Variants in PLEKHA5 observed in about 807,000 individuals in gnomAD.
PLEKHA5 encodes the protein pleckstrin homology domain containing A5.
PLEKHA5 carries 55 observed loss-of-function variants against 181.9 expected under a neutral mutation model. The observed-to-expected ratio is 0.30, with a 90% CI of 0.24 to 0.38. The LOEUF is 0.38. PLEKHA5 is among the 10% of genes least tolerant of loss of function. The probability of loss-of-function intolerance (pLI) is 1.00; values close to 1 mark genes in which losing one functional copy is unlikely to be tolerated. For synonymous variants in PLEKHA5, 535 were observed against 529.4 expected (o/e 1.01, Z -0.15); for missense variants, 1,432 against 1,549.5 (o/e 0.92, Z 1.27).
At chr12:19,328,822 T>C (rs1476864485) in intron 20 of PLEKHA5, among the ~76,000 whole-genome samples, 1 of 152,160 alleles carries the variant, frequency 6.6e-6, no homozygotes, top group African/African-American at 2.4e-5. Context: ...GGATGCATTT[T>C]ATTTCTTCCT....
intron 3 of PLEKHA5, among the ~76,000 whole-genome samples, chr12:19,175,554 GAA>G (rs1243479092): frequency 5.3e-5 from 8 of 152,146 alleles, no homozygotes; most frequent in Non-Finnish European, 1.0e-4. Context: ...GGACACAAAA[GAA>G]AATGTTAGCA....
Position 19,129,743 on chromosome 12 carries a change from C to T in PLEKHA5, c.-57C>T, listed in dbSNP as rs1276683439. ...TCCCTTCGCTCGCTCGTTCCCTCCTCCCTCGGCAGCCGCGGCGGCAGCAGG... is the reference window on the plus strand; with the variant it reads ...TCCCTTCGCTCGCTCGTTCCCTCCTTCCTCGGCAGCCGCGGCGGCAGCAGG... On this transcript the variant is annotated 5_prime_UTR_variant, in exon 1 of 32. Coordinates refer to ENST00000429027, the MANE Select transcript of PLEKHA5 (RefSeq NM_001256470.2). 2.2e-6 allele frequency: 3 copies of T among 1,385,596 alleles called. No homozygotes were observed. The highest frequency in any genetic ancestry group is 2.4e-5 in the South Asian group (2 of 83,626). The allele number at this position is 1,385,596 out of a possible 1,614,324, so 85.8% of individuals were successfully genotyped here.
intron 3 of PLEKHA5, among the ~76,000 whole-genome samples, chr12:19,208,279 G>C (rs1056843740): frequency 1.3e-5 from 2 of 152,020 alleles, no homozygotes; most frequent in Non-Finnish European, 2.9e-5. Flanking sequence ...ATGGTGGAAG[G>C]CGCCTATAAT....
chr12:19,336,500 A>G lies in PLEKHA5; in HGVS notation c.2449-15A>G, dbSNP rs1485750353. 2 of 1,359,694 alleles carry G rather than the reference A, an allele frequency of 1.5e-6. No individual in the cohort carries two copies. Among genetic ancestry groups the G allele is most frequent in the East Asian group, 2.3e-5 (1 of 43,600 alleles). The allele number at this position is 1,359,694 out of a possible 1,614,324, so 84.2% of individuals were successfully genotyped here. On this transcript the variant is annotated splice_polypyrimidine_tract_variant and intron_variant, in intron 20 of 31. Transcript: ENST00000429027. ...CATTTTCCCCATTAAAGTAATTAAC[A>G]CTTTTTGGTTTTAGGAATTGGAACG...
At chr12:19,183,699 A>G (rs10743305) in intron 3 of PLEKHA5, among the ~76,000 whole-genome samples, 151,525 of 152,288 alleles carry the variant, frequency 0.99, 75,390 homozygotes, top group Middle Eastern at 1. Flanking sequence ...TACAAGGGAA[A>G]ATTTTTTTAT....
In PLEKHA5 at chr12:19,287,540, G is replaced by T; in HGVS notation, c.1847G>T (p.Ser616Ile). 1 of 1,595,718 alleles carries T rather than the reference G, an allele frequency of 6.3e-7. No individual in the cohort carries two copies. The highest frequency in any genetic ancestry group is 8.6e-7 in the Non-Finnish European group (1 of 1,164,382). Residue 616 changes from serine to isoleucine, a missense_variant, in exon 13 of 32, where the codon AGC (serine) becomes ATC (isoleucine). By Grantham distance (142) the Ser-to-Ile change is moderately radical. Coordinates refer to ENST00000429027, the MANE Select transcript of PLEKHA5 (RefSeq NM_001256470.2). ...ACTTTACAGTCTGTTAGTCCCCAGA[G>T]CCTCCAAGGGAAAACGGTGAGTAAT... is the stretch of plus-strand genomic sequence containing the variant. ...GLTLQSVSPQ[S>I]LQGKTPEELT...
intron 3 of PLEKHA5, among the ~76,000 whole-genome samples, chr12:19,218,489 T>A (rs1158588695): frequency 2.0e-5 from 3 of 152,182 alleles, no homozygotes. Context: ...CATTTTATTC[T>A]CATTTATGAA....
intron 3 of PLEKHA5, among the ~76,000 whole-genome samples, chr12:19,167,200 C>A (rs1278480366): frequency 6.6e-6 from 1 of 152,054 alleles, no homozygotes; most frequent in African/African-American, 2.4e-5. Flanking sequence ...TCAGATTGTT[C>A]TGGGAGCTAA....
intron 3 of PLEKHA5, among the ~76,000 whole-genome samples, chr12:19,133,817 A>G (rs890356491): frequency 6.6e-6 from 1 of 152,022 alleles, no homozygotes; most frequent in East Asian, 1.9e-4. Flanking sequence ...ATGGCCTAAA[A>G]AAATACTTGA....
chr12:19,356,216 A>G (rs1176354533), intron 26 of PLEKHA5, among the ~76,000 whole-genome samples: 10 of 151,802 alleles, frequency 6.6e-5, no homozygotes, highest in Non-Finnish European at 1.5e-5. Flanking sequence ...TCAAGCAGAA[A>G]GATACTAGCA....
intron 15 of PLEKHA5, among the ~76,000 whole-genome samples, chr12:19,304,320 G>A (rs1480042951): frequency 3.3e-5 from 5 of 152,166 alleles, no homozygotes; most frequent in Non-Finnish European, 7.3e-5. Flanking sequence ...CAAGAGAATC[G>A]ATTGAACCAG....
intron 15 of PLEKHA5, chr12:19,306,690 G>A: frequency 6.8e-7 from 1 of 1,471,174 alleles, no homozygotes; most frequent in Non-Finnish European, 9.5e-7. Context: ...AGCAGATGCG[G>A]ACTCTCTTCG....
chr12:19,164,284 C>G (rs1162226475), intron 3 of PLEKHA5, among the ~76,000 whole-genome samples: 3 of 149,850 alleles, frequency 2.0e-5, no homozygotes, highest in Non-Finnish European at 4.4e-5. Context: ...CTGTAACTTC[C>G]GCCTCCCGGG....
intron 21 of PLEKHA5, among the ~76,000 whole-genome samples, 159 bp downstream of exon 21, chr12:19,336,775 A>G (rs149300593): frequency 2.6e-5 from 4 of 152,056 alleles, no homozygotes; most frequent in Middle Eastern, 3.4e-3. Flanking sequence ...TTACTATCTC[A>G]CAAAGGAGAC....
chr12:19,136,379 G>A (rs1032383129), intron 3 of PLEKHA5, among the ~76,000 whole-genome samples: 1 of 152,154 alleles, frequency 6.6e-6, no homozygotes. Context: ...TATGAAGAAT[G>A]CTGAAAATAA....
chr12:19,276,281 G>A (rs550013472), intron 11 of PLEKHA5, among the ~76,000 whole-genome samples: 11 of 152,178 alleles, frequency 7.2e-5, no homozygotes, highest in Admixed American at 1.3e-4. Context: ...ATTGGAGAAA[G>A]TTCAAAAGTT....
chr12:19,374,346 T>A (rs1440778109), intron 31 of PLEKHA5, among the ~76,000 whole-genome samples: 1 of 152,114 alleles, frequency 6.6e-6, no homozygotes, highest in Non-Finnish European at 1.5e-5. Flanking sequence ...ACATTTTTTA[T>A]TCTGTATTGC....
chr12:19,235,498 A>G (rs1412339681), intron 3 of PLEKHA5, among the ~76,000 whole-genome samples: 1 of 152,196 alleles, frequency 6.6e-6, no homozygotes, highest in Non-Finnish European at 1.5e-5. Flanking sequence ...AAACACTTAC[A>G]ATGTGGTAAG....
At position 19,361,639 on chromosome 12, in the gene PLEKHA5, G is replaced by C. The variant is rs751226669; in HGVS notation, c.3541G>C (p.Val1181Leu). 1 of 1,579,304 alleles carries C rather than the reference G, an allele frequency of 6.3e-7. No homozygotes were observed. The highest frequency in any genetic ancestry group is 2.2e-5 in the East Asian group (1 of 44,590). The change falls in exon 29 of 32, where the codon GTA (valine) becomes CTA (leucine). Residue 1181 changes from valine (V) to leucine (L), a missense_variant. By Grantham distance (32) the Val-to-Leu change is conservative (BLOSUM62 1). Around this residue, in one of 2 missense-constraint regions of PLEKHA5, gnomAD observed 1,143 missense variants for 1,168.4 expected, o/e 0.98. Coordinates refer to ENST00000429027, the MANE Select transcript of PLEKHA5 (RefSeq NM_001256470.2). ...EMLFEPEPNG[V>L]NSVEMMDKER... ...GCTTTTTGAACCTGAGCCAAATGGAGTAAATTCTGTGGAAATGATGGATAA... is the reference window on the plus strand; with the variant it reads ...GCTTTTTGAACCTGAGCCAAATGGACTAAATTCTGTGGAAATGATGGATAA...
Sources: allele counts gnomAD v4.1 joint callset (sites outside exome capture counted in the v4.1 genomes callset), GRCh38; gene constraint gnomAD v4.1.1; regional missense constraint gnomAD v4.1.1; transcripts MANE v1.5; gene names NCBI Gene and HGNC (gene_info 2026-07-23, HGNC 2026-07-21).